The following EPRS1 variants were observed in gnomAD, a reference collection of about 807,000 sequenced individuals.
EPRS1 encodes glutamyl-prolyl-tRNA synthetase 1.
In EPRS1, 107 loss-of-function variants were observed where a neutral mutation model predicts 188.3. That is an observed-to-expected ratio of 0.57 (90% confidence interval 0.49 to 0.67). The LOEUF (loss-of-function observed/expected upper bound fraction) is 0.67. Ranked by LOEUF, EPRS1 falls within the 30% of genes least tolerant of loss-of-function variation. The pLI is 0.00. For missense variants in EPRS1, 1,577 were observed against 1,802.2 expected (o/e 0.88, Z 2.26); for synonymous variants, 596 against 593.1 (o/e 1.00, Z -0.07).
intron 18 of EPRS1, among the ~76,000 whole-genome samples, chr1:219,991,071 A>G (rs1661112078): frequency 6.6e-6 from 1 of 152,148 alleles, no homozygotes; most frequent in African/African-American, 2.4e-5. Context: ...AAGTGATGCT[A>G]ATGTTATGAC....
intron 6 of EPRS1, among the ~76,000 whole-genome samples, chr1:220,029,476 C>A (rs10863524): frequency 0.062 from 9,421 of 152,188 alleles, 914 homozygotes; most frequent in African/African-American, 0.21. Context: ...TTAAATACAT[C>A]GCTAAAAGAA....
intron 21 of EPRS1, among the ~76,000 whole-genome samples, chr1:219,983,829 G>T (rs1486730222): frequency 2.0e-5 from 3 of 150,840 alleles, no homozygotes; most frequent in Non-Finnish European, 2.9e-5. Context: ...GGAGGCGGAG[G>T]TTGCAGTGAG....
At chr1:219,969,329 T>C (rs3816993) in intron 30 of EPRS1, 256,437 of 552,074 alleles carry the variant, frequency 0.46, 60,611 homozygotes, top group South Asian at 0.52. Flanking sequence ...ATCCAAAACC[T>C]ACGCTCACAG....
In EPRS1 at chr1:220,032,391, C is replaced by G; in HGVS notation, c.524G>C (p.Arg175Pro). ...AAAAAAGAAAAAAAGGCTTACCACTCGAGCTTTGGTTGTTGAAACATCCCA... is the reference window on the plus strand; with the variant it reads ...AAAAAAGAAAAAAAGGCTTACCACTGGAGCTTTGGTTGTTGAAACATCCCA... ...TKWDVSTTKA[R>P]VAPEKKQDVG... Residue 175 changes from arginine to proline, a missense_variant, in exon 5 of 32, where the codon CGA (arginine) becomes CCA (proline). By Grantham distance (103) the Arg-to-Pro change is moderately radical. Around this residue, in one of 3 missense-constraint regions of EPRS1, gnomAD observed 1,278 missense variants for 1,457.4 expected, o/e 0.88. Coordinates refer to ENST00000366923, the MANE Select transcript of EPRS1 (RefSeq NM_004446.3). 6.3e-7 allele frequency: 1 copy of G among 1,592,892 alleles called. No individual in the cohort carries two copies. The highest frequency in any genetic ancestry group is 8.5e-7 in the Non-Finnish European group (1 of 1,174,406).
chr1:220,037,501 T>C (rs1322607839), intron 2 of EPRS1, among the ~76,000 whole-genome samples: 2 of 110,346 alleles, frequency 1.8e-5, no homozygotes, highest in African/African-American at 7.5e-5. Flanking sequence ...CAAGACTCCA[T>C]CTCCAAAAAA....
At chr1:220,000,034 A>T (rs777698629) in intron 17 of EPRS1, among the ~76,000 whole-genome samples, 1 of 152,180 alleles carries the variant, frequency 6.6e-6, no homozygotes, top group Non-Finnish European at 1.5e-5. Context: ...ACTGCTACCC[A>T]GCCACCATCT....
At chr1:219,985,343 C>CA (rs1295441548) in intron 20 of EPRS1, among the ~76,000 whole-genome samples, 1 of 152,046 alleles carries the variant, frequency 6.6e-6, no homozygotes, top group Non-Finnish European at 1.5e-5. Flanking sequence ...TATAAATACA[C>CA]ACACATATGT....
At chr1:220,012,005 GTT>G (rs11322745) in intron 12 of EPRS1, among the ~76,000 whole-genome samples, 6 of 151,980 alleles carry the variant, frequency 3.9e-5, no homozygotes, top group Non-Finnish European at 5.9e-5. Context: ...TATTGGGTTG[GTT>G]TTTTTTGTCA....
At chr1:220,018,878 A>C in intron 11 of EPRS1, 117 bp downstream of exon 11, 1 of 620,230 alleles carries the variant, frequency 1.6e-6, no homozygotes, top group Non-Finnish European at 2.7e-6. Flanking sequence ...CTGCCCTTGG[A>C]TCATAAGGCA....
chr1:219,973,425 T>G (rs1305562019), intron 28 of EPRS1, 27 bp from the exon 29 acceptor site: 1 of 1,558,016 alleles, frequency 6.4e-7, no homozygotes. Flanking sequence ...GCAGTTAAAA[T>G]GATATATGAA....
chr1:219,988,508 G>T (rs1428729337), intron 19 of EPRS1, 82 bp downstream of exon 19: 3 of 877,226 alleles, frequency 3.4e-6, no homozygotes, highest in South Asian at 1.6e-5. Context: ...AGCCAGATTT[G>T]ATGGGGCACA....
chr1:219,981,630 T>C (rs1348534412), intron 23 of EPRS1, among the ~76,000 whole-genome samples, 173 bp from the exon 24 acceptor site: 2 of 152,262 alleles, frequency 1.3e-5, no homozygotes, highest in Non-Finnish European at 2.9e-5. Flanking sequence ...AAGTGAATAG[T>C]ATTATCTATT....
chr1:220,044,681 C>CAAAAAAAAAAAAAAAAAA lies in EPRS1; in HGVS notation c.46+1644_46+1661dup, dbSNP rs71560597. Among the ~76,000 whole-genome samples, 14 of 88,336 alleles carry CAAAAAAAAAAAAAAAAAA rather than the reference C, an allele frequency of 1.6e-4. 1 individual carries two copies. The highest frequency in any genetic ancestry group is 5.4e-4 in the African/African-American group (13 of 24,116). The allele number at this position is 88,336 out of a possible 152,430, so 58.0% of individuals were successfully genotyped here. A position where few individuals can be genotyped will look rare whatever the true frequency, so the allele number is the denominator to read the frequency against. On this transcript the variant is annotated intron_variant, in intron 1 of 31. Transcript: ENST00000366923. ...CAGAGGTTGCAATGAGCTCGGTCTCCAAAAAAAAAAAAAAAAAAAAAAAAA... is the reference window on the plus strand; with the variant it reads ...CAGAGGTTGCAATGAGCTCGGTCTCCAAAAAAAAAAAAAAAAAAAAAAAAAAAAAAAAAAAAAAAAAAA...
At position 220,011,106 on chromosome 1, in the gene EPRS1, G is replaced by A. The variant is rs369173095; in HGVS notation, c.1495-50C>T. On this transcript the variant is annotated intron_variant, in intron 12 of 31. Transcript: ENST00000366923. ...AAAACACTGCGATATCTTATAGAGCGCCATAAGCAAAATAAATAATAGCAC... is the reference window on the plus strand; with the variant it reads ...AAAACACTGCGATATCTTATAGAGCACCATAAGCAAAATAAATAATAGCAC... The A allele has an allele frequency of 3.9e-5, 41 of 1,042,144 alleles. 1 individual carries two copies. The African/African-American group carries it at 4.9e-4, about 12-fold the overall frequency. The allele number at this position is 1,042,144 out of a possible 1,614,324, so 64.6% of individuals were successfully genotyped here. A position where few individuals can be genotyped will look rare whatever the true frequency, so the allele number is the denominator to read the frequency against.
At chr1:219,976,148 G>A (rs1306786979) in intron 28 of EPRS1, among the ~76,000 whole-genome samples, 2 of 152,118 alleles carry the variant, frequency 1.3e-5, no homozygotes, top group Admixed American at 6.5e-5. Flanking sequence ...GACACTTTGA[G>A]CATCAAAACA....
In EPRS1 at chr1:220,006,252, T is replaced by G. The variant is rs1384772765; in HGVS notation, c.1804A>C (p.Lys602Gln). The change falls in exon 15 of 32, where the codon AAG (lysine) becomes CAG (glutamine). Residue 602 changes from lysine (K) to glutamine (Q), a missense_variant. Physicochemically the swap from Lys to Gln is moderately conservative, Grantham distance 53 (BLOSUM62 1). Transcript: ENST00000366923. ...AGCCAAGTGACCTTAGTGGTTTTCTTGTAGTCTTTGTTTTCCAAATTCAAC... is the reference window on the plus strand; with the variant it reads ...AGCCAAGTGACCTTAGTGGTTTTCTGGTAGTCTTTGTTTTCCAAATTCAAC... ...AKLNLENKDY[K>Q]KTTKVTWLAE... 8 of 1,595,848 alleles carry G rather than the reference T, an allele frequency of 5.0e-6. No homozygotes were observed. The highest frequency in any genetic ancestry group is 6.8e-6 in the Non-Finnish European group (8 of 1,169,834).
At position 219,973,338 on chromosome 1, in the gene EPRS1, C is replaced by G. The variant is rs181250691; in HGVS notation, c.4144G>C (p.Val1382Leu). ...AGCTTTTCTCCAGTATCTCGTCTGA[C>G]GGCTACAAACTGACAGCTCTTCATA... is the stretch of plus-strand genomic sequence containing the variant. ...RDMKSCQFVA[V>L]RRDTGEKLTV... is the part of the protein sequence containing the mutation. Residue 1382 changes from valine to leucine, a missense_variant, in exon 29 of 32, where the codon GTC (valine) becomes CTC (leucine). Val to Leu is a conservative substitution (Grantham distance 32). Coordinates refer to ENST00000366923, the MANE Select transcript of EPRS1 (RefSeq NM_004446.3). The G allele has an allele frequency of 2.5e-6, 4 of 1,612,232 alleles. No homozygotes were observed. The East Asian group carries it at 6.7e-5, about 27-fold the overall frequency.
At chr1:220,001,858 A>C (rs530539610) in intron 16 of EPRS1, among the ~76,000 whole-genome samples, 4 of 151,024 alleles carry the variant, frequency 2.6e-5, no homozygotes, top group South Asian at 4.2e-4. Flanking sequence ...GTGAAACCCC[A>C]TCGCTACTAA....
At chr1:220,046,100 C>A (rs555061918) in intron 1 of EPRS1, among the ~76,000 whole-genome samples, 100 of 152,296 alleles carry the variant, frequency 6.6e-4, no homozygotes, top group African/African-American at 2.1e-3. Context: ...TGTTGTCTAG[C>A]CCGGGCTCAC....
Sources: gnomAD v4.1 joint callset for allele counts (sites outside exome capture counted in the v4.1 genomes callset) on GRCh38, gnomAD v4.1.1 for gene constraint, gnomAD v4.1.1 regional missense constraint, MANE v1.5 for transcripts, NCBI Gene and HGNC (gene_info 2026-07-23, HGNC 2026-07-21) for gene names.